Variants in MPP3 observed in about 807,000 individuals in gnomAD.
The protein encoded by MPP3 is MAGUK p55 scaffold protein 3.
Under a neutral mutation model 80.7 loss-of-function variants are expected in MPP3, and 48 were observed. The observed-to-expected ratio is 0.59, with a 90% CI of 0.47 to 0.76. MPP3 has a LOEUF of 0.76. Ranked by LOEUF, MPP3 falls within the 30% of genes least tolerant of loss-of-function variation. MPP3 has a pLI of 0.00. For missense variants in MPP3, 620 were observed against 763.0 expected (o/e 0.81, Z 2.21); for synonymous variants, 311 against 297.6 (o/e 1.04, Z -0.46).
chr17:43,830,881 G>A (rs1384733349), intron 5 of MPP3, among the ~76,000 whole-genome samples: 2 of 152,206 alleles, frequency 1.3e-5, no homozygotes, highest in East Asian at 1.9e-4. Flanking sequence ...CTTCAGGAAA[G>A]CACAGACATA....
intron 19 of MPP3, among the ~76,000 whole-genome samples, chr17:43,803,337 G>T (rs1175979510): frequency 6.6e-6 from 1 of 152,192 alleles, no homozygotes; most frequent in Non-Finnish European, 1.5e-5. Flanking sequence ...CATCTGGAAA[G>T]AACTTAAGTA....
At chr17:43,815,198 G>C (rs1297276816) in intron 14 of MPP3, among the ~76,000 whole-genome samples, 1 of 152,062 alleles carries the variant, frequency 6.6e-6, no homozygotes, top group Non-Finnish European at 1.5e-5. Flanking sequence ...CAGGTATAGT[G>C]GCATGCACCT....
At chr17:43,814,527 A>C in intron 14 of MPP3, 166 bp from the exon 15 acceptor site, 3 of 603,936 alleles carry the variant, frequency 5.0e-6, no homozygotes, top group Admixed American at 3.4e-5. Flanking sequence ...AAATACAATA[A>C]TAAGATGAAA....
chr17:43,820,605 T>TACACACACACACACAC, intron 11 of MPP3, among the ~76,000 whole-genome samples: 1 of 125,250 alleles, frequency 8.0e-6, no homozygotes, highest in South Asian at 2.7e-4. Flanking sequence ...AAAAAAAAAA[T>TACACACACACACACAC]ACACACACAC....
chr17:43,805,380 A>C (rs2044574952), intron 19 of MPP3, among the ~76,000 whole-genome samples: 1 of 152,232 alleles, frequency 6.6e-6, no homozygotes, highest in Non-Finnish European at 1.5e-5. Context: ...TGGGAATGTA[A>C]AATGGTACAG....
At chr17:43,820,605 T>TACACACACAC (rs61249899) in intron 11 of MPP3, among the ~76,000 whole-genome samples, 90 of 125,292 alleles carry the variant, frequency 7.2e-4, no homozygotes, top group African/African-American at 2.5e-3. Context: ...AAAAAAAAAA[T>TACACACACAC]ACACACACAC....
chr17:43,821,469 G>A (rs1217285897), intron 10 of MPP3, among the ~76,000 whole-genome samples: 1 of 152,240 alleles, frequency 6.6e-6, no homozygotes, highest in Non-Finnish European at 1.5e-5. Context: ...GAAGGCAGCA[G>A]CCATCTGTTA....
chr17:43,822,623 G>T, intron 10 of MPP3, among the ~76,000 whole-genome samples: 1 of 128,048 alleles, frequency 7.8e-6, no homozygotes, highest in African/African-American at 3.1e-5. Context: ...CCTCCTCCCC[G>T]TGGCTGCCTC....
Position 43,816,663 on chromosome 17 carries a change from G to C in MPP3, c.967+14C>G. The C allele has an allele frequency of 6.4e-7, 1 of 1,571,768 alleles. No individual in the cohort carries two copies. The highest frequency in any genetic ancestry group is 8.6e-7 in the Non-Finnish European group (1 of 1,157,818). ...GGGCCACGCCTGTGGACAGCGGATA[G>C]ATACTGGGCCTACCTTTGTCACAAG... On this transcript the variant is annotated intron_variant, in intron 13 of 19. Transcript: ENST00000398389.
intron 16 of MPP3, 111 bp downstream of exon 16, chr17:43,813,900 G>A: frequency 2.2e-6 from 2 of 912,610 alleles, no homozygotes; most frequent in Non-Finnish European, 3.3e-6. Flanking sequence ...GGCAGTGCCT[G>A]GTGATCCTTT....
chr17:43,827,716 CG>C, intron 8 of MPP3, 34 bp downstream of exon 8: 1 of 1,601,850 alleles, frequency 6.2e-7, no homozygotes, highest in Non-Finnish European at 8.5e-7. Flanking sequence ...TGGCCATGAT[CG>C]GGGCTGGGCC....
intron 7 of MPP3, 82 bp downstream of exon 7, chr17:43,829,572 G>A: frequency 6.5e-7 from 1 of 1,532,798 alleles, no homozygotes; most frequent in Non-Finnish European, 8.9e-7. Flanking sequence ...GAAGACTTCG[G>A]GGAGGATCTT....
rs2045000614 is a variant in MPP3, at chr17:43,814,182, C to G, written c.1174+15G>C. 6.2e-7 allele frequency: 1 copy of G among 1,611,446 alleles called. No individual in the cohort carries two copies. The highest frequency in any genetic ancestry group is 1.3e-5 in the African/African-American group (1 of 74,986). ...GAAACCAGATCACTTCCTGGAAACC[C>G]AGGATGGCACCTACCGATCAGAACC... On this transcript the variant is annotated intron_variant, in intron 15 of 19. Coordinates refer to ENST00000398389, the MANE Select transcript of MPP3 (RefSeq NM_001932.6).
intron 14 of MPP3, 137 bp from the exon 15 acceptor site, chr17:43,814,498 C>G (rs2045021396): frequency 1.3e-6 from 1 of 773,582 alleles, no homozygotes; most frequent in Non-Finnish European, 2.0e-6. Flanking sequence ...CCTCCTGCTA[C>G]TGGAAGAGGT....
intron 4 of MPP3, 63 bp downstream of exon 4, chr17:43,831,496 C>T (rs1010236320): frequency 6.5e-6 from 9 of 1,389,602 alleles, no homozygotes; most frequent in South Asian, 3.7e-5. Flanking sequence ...TGACCTCAGA[C>T]GGCCACAGAC....
In MPP3 at chr17:43,821,005, A is replaced by T. The variant is rs776909692; in HGVS notation, c.738T>A (p.Pro246=). 4 of 1,614,144 alleles carry T rather than the reference A, an allele frequency of 2.5e-6. No individual in the cohort carries two copies. Among genetic ancestry groups the T allele is most frequent in the Non-Finnish European group, 3.4e-6 (4 of 1,180,024 alleles). The change falls in exon 11 of 20, where the codon CCT becomes CCA. Residue 246 remains proline (P), a synonymous_variant. Transcript: ENST00000398389. ...GGAAGGGCAGGCCCGCCTCCTGGCA[A>T]GGGATGGCCCGGTCCTCCCGAGGGT... ...HYNPREDRAI[P]CQEAGLPFQR... is the part of the protein sequence containing the mutation.
chr17:43,811,235 A>G (rs1463832692), intron 16 of MPP3, 30 bp from the exon 17 acceptor site: 4 of 1,565,752 alleles, frequency 2.6e-6, no homozygotes, highest in Non-Finnish European at 3.5e-6. Context: ...AGCTGGGCAA[A>G]GAGATGTCAC....
At chr17:43,809,280 C>T (rs1006313552) in intron 18 of MPP3, among the ~76,000 whole-genome samples, 1 of 152,108 alleles carries the variant, frequency 6.6e-6, no homozygotes, top group African/African-American at 2.4e-5. Flanking sequence ...TTGAACTCAG[C>T]GGGGCCCTGA....
At chr17:43,819,933 CTGTTTTTT>C (rs1397011402) in intron 11 of MPP3, among the ~76,000 whole-genome samples, 3 of 151,736 alleles carry the variant, frequency 2.0e-5, no homozygotes, top group Non-Finnish European at 2.9e-5. Flanking sequence ...CAGTTTTTTT[CTGTTTTTT>C]TGTTTTGTTT....
Sources: gnomAD v4.1 joint callset for allele counts (sites outside exome capture counted in the v4.1 genomes callset) on GRCh38, gnomAD v4.1.1 for gene constraint, MANE v1.5 for transcripts, NCBI Gene and HGNC (gene_info 2026-07-23, HGNC 2026-07-21) for gene names.